MYO10: variants seen among roughly 807,000 people sequenced by gnomAD.
The protein encoded by MYO10 is unconventional myosin-X.
In MYO10, 133 loss-of-function variants were observed where a neutral mutation model predicts 257.3. The observed-to-expected ratio is 0.52, with a 90% CI of 0.45 to 0.60. The LOEUF is 0.60. MYO10 is among the 20% of genes least tolerant of loss of function. The pLI, the probability that MYO10 is intolerant of heterozygous loss-of-function variation, is 0.00. For missense variants in MYO10, 2,399 were observed against 2,635.7 expected, an observed-to-expected ratio of 0.91 and a Z score of 1.97; for synonymous variants, 1,104 against 1,028.6, an observed-to-expected ratio of 1.07 and a Z score of -1.40.
At chr5:16,705,234 A>G (rs1561196963) in intron 21 of MYO10, among the ~76,000 whole-genome samples, 3 of 152,254 alleles carry the variant, frequency 2.0e-5, no homozygotes, top group Non-Finnish European at 4.4e-5. Context: ...CACTCAAAAT[A>G]TTGACGTTAA....
At chr5:16,671,327 C>G in intron 38 of MYO10, 95 bp downstream of exon 38, 4 of 1,444,018 alleles carry the variant, frequency 2.8e-6, no homozygotes, top group Non-Finnish European at 2.8e-6. Context: ...AGGTGTGCCT[C>G]ATTTCTAAGT....
intron 19 of MYO10, among the ~76,000 whole-genome samples, chr5:16,754,564 T>TA (rs200037446): frequency 1.9e-3 from 248 of 132,466 alleles, no homozygotes; most frequent in Middle Eastern, 3.8e-3. Context: ...AACCAAACGC[T>TA]AAAAAAAAAA....
chr5:16,765,139 T>TA (rs1740826966), intron 11 of MYO10, among the ~76,000 whole-genome samples: 1 of 152,212 alleles, frequency 6.6e-6, no homozygotes, highest in Non-Finnish European at 1.5e-5. Context: ...TGATGGTTAA[T>TA]ACTGAGTGTC....
Position 16,783,545 on chromosome 5 carries a change from A to G in MYO10, c.468-76T>C. 5 of 1,424,636 alleles carry G rather than the reference A, an allele frequency of 3.5e-6. No individual in the cohort carries two copies. The South Asian group carries it at 6.3e-5, about 18-fold the overall frequency. The allele number at this position is 1,424,636 out of a possible 1,614,324, so 88.2% of individuals were successfully genotyped here. On this transcript the variant is annotated intron_variant, in intron 4 of 40. Coordinates refer to ENST00000513610, the MANE Select transcript of MYO10 (RefSeq NM_012334.3). ...AAAATCAGCTTTGGTCAATGGCACT[A>G]TAATTACTCAACAGAACAATGGTAG... is the stretch of plus-strand genomic sequence containing the variant.
chr5:16,740,044 T>G (rs1444408186), intron 19 of MYO10, among the ~76,000 whole-genome samples: 1 of 152,122 alleles, frequency 6.6e-6, no homozygotes, highest in Non-Finnish European at 1.5e-5. Flanking sequence ...AGTGAAGTGC[T>G]GAAGAGCTAA....
At chr5:16,679,837 T>C in intron 33 of MYO10, 110 bp downstream of exon 33, 1 of 1,413,880 alleles carries the variant, frequency 7.1e-7, no homozygotes, top group Non-Finnish European at 9.5e-7. Context: ...CAAGCACTAG[T>C]TTTGATTACA....
intron 2 of MYO10, among the ~76,000 whole-genome samples, chr5:16,849,021 T>A (rs976216180): frequency 6.6e-6 from 1 of 152,170 alleles, no homozygotes; most frequent in African/African-American, 2.4e-5. Flanking sequence ...AGTGGCGCAA[T>A]CATAGCTCAC....
At chr5:16,778,286 C>CA (rs1205479879) in intron 9 of MYO10, among the ~76,000 whole-genome samples, 2 of 152,116 alleles carry the variant, frequency 1.3e-5, no homozygotes, top group African/African-American at 4.8e-5. Context: ...TACCTTGTAA[C>CA]AAAGCCCTTG....
At chr5:16,873,166 T>A (rs1744497049) in intron 2 of MYO10, among the ~76,000 whole-genome samples, 2 of 152,138 alleles carry the variant, frequency 1.3e-5, no homozygotes, top group African/African-American at 4.8e-5. Context: ...CTAGATATAA[T>A]GAGGGTACAG....
intron 2 of MYO10, among the ~76,000 whole-genome samples, chr5:16,823,752 G>C (rs55976732): frequency 5.8e-4 from 87 of 149,590 alleles, no homozygotes; most frequent in Middle Eastern, 3.5e-3. Flanking sequence ...GATTACAGGC[G>C]TGAGCCACTG....
intron 39 of MYO10, among the ~76,000 whole-genome samples, chr5:16,669,923 TC>T (rs974359769): frequency 3.4e-4 from 52 of 152,300 alleles, no homozygotes; most frequent in African/African-American, 1.2e-3. Flanking sequence ...AGGGAATATA[TC>T]TAAAGGAATG....
chr5:16,664,366 A>C lies in MYO10; in HGVS notation c.*2326T>G, dbSNP rs1038311012. ...GTCACAGAGGGAATCCTGAGAGGTG[A>C]GCAGTAGAAAGAAGACTTCTGTCAA... On this transcript the variant is annotated 3_prime_UTR_variant, in exon 41 of 41. Coordinates refer to ENST00000513610, the MANE Select transcript of MYO10 (RefSeq NM_012334.3). The C allele has an allele frequency of 6.6e-6, 1 of 152,214 alleles. No individual in the cohort carries two copies. The highest frequency in any genetic ancestry group is 1.5e-5 in the Non-Finnish European group (1 of 68,040). 9.4% of individuals were successfully genotyped at this position (152,214 alleles called of 1,614,324 possible). A position where few individuals can be genotyped will look rare whatever the true frequency, so the allele number is the denominator to read the frequency against.
intron 9 of MYO10, among the ~76,000 whole-genome samples, chr5:16,770,237 T>C (rs1445869119): frequency 6.6e-6 from 1 of 152,094 alleles, no homozygotes; most frequent in Non-Finnish European, 1.5e-5. Flanking sequence ...AGACCCTGTC[T>C]CTTAAAAAAA....
chr5:16,752,426 A>G (rs1357145086), intron 19 of MYO10, among the ~76,000 whole-genome samples: 1 of 151,976 alleles, frequency 6.6e-6, no homozygotes, highest in East Asian at 1.9e-4. Flanking sequence ...GGGACTACAG[A>G]CGTGTGCCAC....
intron 2 of MYO10, among the ~76,000 whole-genome samples, chr5:16,831,591 G>T (rs1266526957): frequency 6.6e-6 from 1 of 152,070 alleles, no homozygotes; most frequent in Non-Finnish European, 1.5e-5. Flanking sequence ...TGAGACTGGA[G>T]ACTATTATTC....
chr5:16,673,327 T>C (rs774089983), intron 36 of MYO10, among the ~76,000 whole-genome samples: 5 of 148,560 alleles, frequency 3.4e-5, no homozygotes, highest in African/African-American at 1.3e-4. Flanking sequence ...CTGATATTCA[T>C]CTAGCTAGTC....
At chr5:16,872,502 G>T (rs1363283626) in intron 2 of MYO10, among the ~76,000 whole-genome samples, 1 of 151,768 alleles carries the variant, frequency 6.6e-6, no homozygotes, top group Non-Finnish European at 1.5e-5. Flanking sequence ...TAGTTAAGAT[G>T]GTAAAGTTAA....
In MYO10 at chr5:16,779,624, T is replaced by C; in HGVS notation, c.851A>G (p.Glu284Gly). Residue 284 changes from glutamate (E) to glycine (G), a missense_variant, in exon 9 of 41, where the codon GAA (glutamate) becomes GGA (glycine). This residue lies in a region of MYO10 where 337 missense variants were observed against 446.8 expected (regional missense o/e 0.75). Transcript: ENST00000513610. ...EREEFYLSTP[E>G]NYHYLNQSGC... ...AGACTGATTCAAGTAGTGGTAGTTT[T>C]CTGGCGTAGATAAATAAAATTCTTC... 1 of 1,604,792 alleles carries C rather than the reference T, an allele frequency of 6.2e-7. No homozygotes were observed. The highest frequency in any genetic ancestry group is 1.1e-5 in the South Asian group (1 of 88,856).
At chr5:16,871,287 C>A (rs1744449830) in intron 2 of MYO10, among the ~76,000 whole-genome samples, 1 of 152,184 alleles carries the variant, frequency 6.6e-6, no homozygotes, top group Admixed American at 6.5e-5. Context: ...AAGGACAAGA[C>A]CATGCTCTAA....
Sources: allele counts gnomAD v4.1 joint callset (sites outside exome capture counted in the v4.1 genomes callset), GRCh38; gene constraint gnomAD v4.1.1; regional missense constraint gnomAD v4.1.1; transcripts MANE v1.5; gene names NCBI Gene and HGNC (gene_info 2026-07-23, HGNC 2026-07-21).